SLC35F1: variants seen among roughly 807,000 people sequenced by gnomAD.
SLC35F1 encodes the protein solute carrier family 35 member F1.
SLC35F1 carries 14 observed loss-of-function variants against 48.7 expected under a neutral mutation model. The observed-to-expected ratio is 0.29, with a 90% CI of 0.19 to 0.45. The LOEUF (loss-of-function observed/expected upper bound fraction) is 0.45, where lower values mean the gene tolerates loss of function less well. SLC35F1 is among the 20% of genes least tolerant of loss of function. The probability of loss-of-function intolerance (pLI) is 1.00; values close to 1 mark genes in which losing one functional copy is unlikely to be tolerated. For missense variants in SLC35F1, 404 were observed against 500.0 expected (o/e 0.81, Z 1.83); for synonymous variants, 190 against 202.2 (o/e 0.94, Z 0.51).
intron 1 of SLC35F1, among the ~76,000 whole-genome samples, chr6:118,023,755 C>A (rs921804091): frequency 6.6e-6 from 1 of 152,172 alleles, no homozygotes; most frequent in Non-Finnish European, 1.5e-5. Context: ...TTCCTAAAAT[C>A]TTCTGTTTTC....
At chr6:118,112,611 C>T (rs1420656098) in intron 1 of SLC35F1, among the ~76,000 whole-genome samples, 1 of 152,132 alleles carries the variant, frequency 6.6e-6, no homozygotes, top group African/African-American at 2.4e-5. Context: ...TCCTGTAACA[C>T]TTGCACTACC....
intron 1 of SLC35F1, among the ~76,000 whole-genome samples, chr6:118,089,768 T>G (rs989094878): frequency 1.3e-5 from 2 of 152,200 alleles, no homozygotes; most frequent in African/African-American, 4.8e-5. Context: ...CTTGGGGACA[T>G]TTGTGGATGA....
intron 2 of SLC35F1, among the ~76,000 whole-genome samples, chr6:118,161,611 C>T (rs1043553558): frequency 2.0e-5 from 3 of 152,144 alleles, no homozygotes; most frequent in African/African-American, 4.8e-5. Context: ...AAATCTCCAC[C>T]CCTATTTCTT....
chr6:118,227,909 T>C (rs1026894745), intron 2 of SLC35F1, among the ~76,000 whole-genome samples: 1 of 152,178 alleles, frequency 6.6e-6, no homozygotes, highest in African/African-American at 2.4e-5. Flanking sequence ...TCTCTTGTCT[T>C]TCTTTCCACC....
intron 3 of SLC35F1, among the ~76,000 whole-genome samples, chr6:118,262,361 C>T (rs1339055322): frequency 6.6e-6 from 1 of 151,680 alleles, no homozygotes; most frequent in African/African-American, 2.4e-5. Flanking sequence ...GAGAAAGGCA[C>T]AGTGATAAGA....
At chr6:118,053,975 A>C (rs560772453) in intron 1 of SLC35F1, among the ~76,000 whole-genome samples, 1 of 152,170 alleles carries the variant, frequency 6.6e-6, no homozygotes, top group African/African-American at 2.4e-5. Flanking sequence ...GATAGCACTG[A>C]AATTTTCCGT....
intron 7 of SLC35F1, among the ~76,000 whole-genome samples, chr6:118,313,630 AC>A (rs1317778441): frequency 6.6e-6 from 1 of 152,184 alleles, no homozygotes; most frequent in Non-Finnish European, 1.5e-5. Flanking sequence ...CTTCATTACA[AC>A]CCTAAAGGGG....
chr6:117,910,943 C>T lies in SLC35F1; in HGVS notation c.173+3044C>T, dbSNP rs1411810175. On this transcript the variant is annotated intron_variant, in intron 1 of 7. Transcript: ENST00000360388. Reference sequence around the variant, plus strand: ...ATTAATTAAAGGTACTTCTTGCTCTCAAGAAGCTTAGAATGAAATATAGTG... The same window carrying T: ...ATTAATTAAAGGTACTTCTTGCTCTTAAGAAGCTTAGAATGAAATATAGTG... 2.0e-5 allele frequency among the ~76,000 whole-genome samples: 3 copies of T among 152,212 alleles called. No individual in the cohort carries two copies. The South Asian group carries it at 6.2e-4, about 31-fold the overall frequency.
intron 1 of SLC35F1, among the ~76,000 whole-genome samples, chr6:118,142,324 T>C (rs933020867): frequency 1.3e-5 from 2 of 152,210 alleles, no homozygotes; most frequent in East Asian, 3.8e-4. Context: ...GATACACATA[T>C]ATATGGTAAA....
chr6:118,008,597 T>C (rs1045584363), intron 1 of SLC35F1, among the ~76,000 whole-genome samples: 1 of 152,224 alleles, frequency 6.6e-6, no homozygotes, highest in African/African-American at 2.4e-5. Flanking sequence ...CATTTAATAA[T>C]ATTCTTGCTG....
rs148208845 is a variant in SLC35F1 at position 118,208,035 on chromosome 6, C to T, written c.350-27474C>T. ...CTTCTTTAGTAAAAGAAAATGGAAA[C>T]ATCAAGGGAAAGAGAGCCCCCCTCC... On this transcript the variant is annotated intron_variant, in intron 2 of 7. Transcript: ENST00000360388. Among the ~76,000 whole-genome samples, 17 of 152,244 alleles carry T rather than the reference C, an allele frequency of 1.1e-4. No individual in the cohort carries two copies. The East Asian group carries it at 3.3e-3, about 29-fold the overall frequency.
At chr6:117,928,593 A>G (rs1776058893) in intron 1 of SLC35F1, among the ~76,000 whole-genome samples, 2 of 152,198 alleles carry the variant, frequency 1.3e-5, no homozygotes, top group Admixed American at 6.5e-5. Flanking sequence ...ATAAATTTCT[A>G]ATCATTAATT....
intron 1 of SLC35F1, among the ~76,000 whole-genome samples, chr6:118,043,371 A>G (rs970045416): frequency 3.3e-5 from 5 of 151,742 alleles, no homozygotes; most frequent in African/African-American, 9.7e-5. Flanking sequence ...TTAGCATCAA[A>G]TCTGTCACAG....
rs961487950 is a variant in SLC35F1, at chr6:118,158,654, C to G, written c.349+4034C>G. Among the ~76,000 whole-genome samples, 18 of 152,252 alleles carry G rather than the reference C, an allele frequency of 1.2e-4. No individual in the cohort carries two copies. The South Asian group carries it at 1.7e-3, about 14-fold the overall frequency. On this transcript the variant is annotated intron_variant, in intron 2 of 7. Coordinates refer to ENST00000360388, the MANE Select transcript of SLC35F1 (RefSeq NM_001029858.4). ...TTAAGGGTGAGGTTATTATGAAAGCCTTGCTTAAATTTGACTTCAAAGTCA... is the reference window on the plus strand; with the variant it reads ...TTAAGGGTGAGGTTATTATGAAAGCGTTGCTTAAATTTGACTTCAAAGTCA...
chr6:118,120,294 C>T (rs1334832), intron 1 of SLC35F1, among the ~76,000 whole-genome samples: 51,901 of 152,094 alleles, frequency 0.34, 9,679 homozygotes, highest in Non-Finnish European at 0.43. Flanking sequence ...CCCACTTTTG[C>T]ATGAATACCA....
intron 1 of SLC35F1, among the ~76,000 whole-genome samples, chr6:118,101,158 T>C (rs981796092): frequency 2.6e-5 from 4 of 152,228 alleles, no homozygotes; most frequent in Non-Finnish European, 4.4e-5. Context: ...AATTTTCTCC[T>C]GGCATTTCTG....
At chr6:118,028,564 T>C (rs1771992111) in intron 1 of SLC35F1, among the ~76,000 whole-genome samples, 1 of 151,928 alleles carries the variant, frequency 6.6e-6, no homozygotes, top group African/African-American at 2.4e-5. Flanking sequence ...AGTGTTGAGT[T>C]TTAGAGTTCA....
At chr6:118,001,138 C>T (rs1260901907) in intron 1 of SLC35F1, among the ~76,000 whole-genome samples, 1 of 152,148 alleles carries the variant, frequency 6.6e-6, no homozygotes, top group Non-Finnish European at 1.5e-5. Context: ...GCCTGCATCG[C>T]CAAGTCAATC....
intron 1 of SLC35F1, among the ~76,000 whole-genome samples, chr6:118,073,704 A>G (rs1772777068): frequency 6.6e-6 from 1 of 152,196 alleles, no homozygotes; most frequent in Non-Finnish European, 1.5e-5. Flanking sequence ...TATTTTTTAT[A>G]TCAATATTTG....
Sources: allele counts gnomAD v4.1 joint callset (sites outside exome capture counted in the v4.1 genomes callset), GRCh38; gene constraint gnomAD v4.1.1; transcripts MANE v1.5; gene names NCBI Gene and HGNC (gene_info 2026-07-23, HGNC 2026-07-21).